Variants in GLIS3 observed in about 807,000 individuals in gnomAD.
The protein encoded by GLIS3 is GLIS family zinc finger 3.
In GLIS3, 53 loss-of-function variants were observed where a neutral mutation model predicts 78.6. The observed-to-expected ratio is 0.67, with a 90% CI of 0.54 to 0.85. The LOEUF (loss-of-function observed/expected upper bound fraction) is 0.85. Among genes scored for constraint, GLIS3 ranks in the 40% least tolerant of loss-of-function variants. The pLI is 0.00. For synonymous variants in GLIS3, 684 were observed against 509.9 expected, an observed-to-expected ratio of 1.34 and a Z score of -4.60; for missense variants, 1,703 against 1,231.1, an observed-to-expected ratio of 1.38 and a Z score of -5.74.
At chr9:3,956,637 G>C (rs1466274777) in intron 4 of GLIS3, among the ~76,000 whole-genome samples, 1 of 151,972 alleles carries the variant, frequency 6.6e-6, no homozygotes, top group Non-Finnish European at 1.5e-5. Flanking sequence ...TTTTTGTTTT[G>C]TTTTGTTTTG....
At chr9:3,848,973 G>T (rs956935016) in intron 9 of GLIS3, among the ~76,000 whole-genome samples, 7 of 152,358 alleles carry the variant, frequency 4.6e-5, no homozygotes, top group African/African-American at 1.7e-4. Flanking sequence ...AACCACAGGA[G>T]CCGTGAACAA....
chr9:4,274,147 A>G (rs1403513376), intron 2 of GLIS3, among the ~76,000 whole-genome samples: 1 of 152,166 alleles, frequency 6.6e-6, no homozygotes, highest in Non-Finnish European at 1.5e-5. Context: ...CCATAGTGGT[A>G]AAGCCTGAAC....
intron 2 of GLIS3, among the ~76,000 whole-genome samples, chr9:4,256,835 T>G (rs1030022367): frequency 6.6e-6 from 1 of 152,134 alleles, no homozygotes; most frequent in African/African-American, 2.4e-5. Context: ...TCCAGCAATA[T>G]CTCATCTGAA....
intron 4 of GLIS3, among the ~76,000 whole-genome samples, chr9:3,983,132 T>C (rs1044012264): frequency 1.3e-5 from 2 of 152,124 alleles, no homozygotes; most frequent in East Asian, 3.9e-4. Context: ...GACTGAATTA[T>C]GGGGTGGGTC....
chr9:4,406,561 G>A, the GLIS3 span, among the ~76,000 whole-genome samples: 2 of 152,056 alleles, frequency 1.3e-5, no homozygotes, highest in Non-Finnish European at 2.9e-5. Context: ...AAACACTAAA[G>A]AGGCCATCAA....
chr9:4,315,876 T>C (rs150266429), intron 2 of GLIS3, among the ~76,000 whole-genome samples: 1 of 152,238 alleles, frequency 6.6e-6, no homozygotes, highest in East Asian at 1.9e-4. Context: ...GGTTCTAGAA[T>C]GCAGGCCTCT....
chr9:4,072,182 G>T (rs1827668088), intron 4 of GLIS3, among the ~76,000 whole-genome samples: 1 of 152,128 alleles, frequency 6.6e-6, no homozygotes, highest in South Asian at 2.1e-4. Flanking sequence ...TTATAGGATG[G>T]ACTGCTTTCA....
chr9:4,466,005 G>A, the GLIS3 span, among the ~76,000 whole-genome samples: 2 of 152,054 alleles, frequency 1.3e-5, no homozygotes, highest in Admixed American at 6.6e-5. Context: ...GAAAATCAAC[G>A]AATCCAAGAG....
At chr9:3,848,984 C>T (rs1173468609) in intron 9 of GLIS3, among the ~76,000 whole-genome samples, 1 of 152,230 alleles carries the variant, frequency 6.6e-6, no homozygotes, top group Non-Finnish European at 1.5e-5. Flanking sequence ...CCGTGAACAA[C>T]AGAGGGAGGG....
At chr9:4,319,420 T>C (rs1267482802) in intron 2 of GLIS3, among the ~76,000 whole-genome samples, 1 of 152,268 alleles carries the variant, frequency 6.6e-6, no homozygotes, top group African/African-American at 2.4e-5. Context: ...CTCATTATTC[T>C]ATTCTTGCAA....
chr9:4,216,799 G>A (rs748444156), intron 2 of GLIS3, among the ~76,000 whole-genome samples: 2 of 152,216 alleles, frequency 1.3e-5, no homozygotes, highest in Non-Finnish European at 2.9e-5. Context: ...CTGAAGAACA[G>A]GATGTGGGGG....
chr9:3,985,096 CA>C (rs71324277), intron 4 of GLIS3, among the ~76,000 whole-genome samples: 89,041 of 142,160 alleles, frequency 0.63, 26,748 homozygotes, highest in African/African-American at 0.66. Flanking sequence ...GCTCAATTCA[CA>C]AAAAAAAAAA....
chr9:3,873,860 T>C (rs892855409), intron 8 of GLIS3, among the ~76,000 whole-genome samples: 4 of 152,180 alleles, frequency 2.6e-5, no homozygotes, highest in African/African-American at 9.7e-5. Context: ...CATTCCTTAT[T>C]TGGTAAAGGT....
At chr9:4,184,160 C>CACACATTCCA in intron 2 of GLIS3, among the ~76,000 whole-genome samples, 1 of 152,176 alleles carries the variant, frequency 6.6e-6, no homozygotes, top group Non-Finnish European at 1.5e-5. Context: ...ATTCCAAAAT[C>CACACATTCCA]AAGGGTATAA....
chr9:4,109,347 T>C (rs570183857), intron 4 of GLIS3, among the ~76,000 whole-genome samples: 1 of 152,336 alleles, frequency 6.6e-6, no homozygotes, highest in East Asian at 1.9e-4. Flanking sequence ...ATCTTAATCA[T>C]TCTACATAAC....
chr9:4,408,663 C>G, the GLIS3 span, among the ~76,000 whole-genome samples: 3 of 131,284 alleles, frequency 2.3e-5, no homozygotes, highest in South Asian at 7.6e-4. Context: ...GGAGGCGGAG[C>G]TTGCAGTGAG....
intron 4 of GLIS3, among the ~76,000 whole-genome samples, chr9:3,973,649 T>G (rs948493351): frequency 2.6e-5 from 4 of 152,152 alleles, no homozygotes; most frequent in Non-Finnish European, 5.9e-5. Flanking sequence ...TAAAAATCAT[T>G]TTCACACAAA....
At chr9:4,149,595 TGG>T (rs1834510363) in intron 2 of GLIS3, among the ~76,000 whole-genome samples, 1 of 152,362 alleles carries the variant, frequency 6.6e-6, no homozygotes, top group South Asian at 2.1e-4. Flanking sequence ...GTACCATAAA[TGG>T]TGTCAGGCAT....
the GLIS3 span, among the ~76,000 whole-genome samples, chr9:4,364,728 T>C: frequency 7.3e-6 from 1 of 137,132 alleles, no homozygotes; most frequent in Admixed American, 7.3e-5. Context: ...ATATATATAT[T>C]ATGTATTCAT....
Sources: gnomAD v4.1 joint callset for allele counts (sites outside exome capture counted in the v4.1 genomes callset) on GRCh38, gnomAD v4.1.1 for gene constraint, MANE v1.5 for transcripts, NCBI Gene and HGNC (gene_info 2026-07-23, HGNC 2026-07-21) for gene names.